The following NOTCH2NLA variants were observed in gnomAD, a reference collection of about 807,000 sequenced individuals.
NOTCH2NLA encodes the protein notch 2 N-terminal like A.
In NOTCH2NLA at chr1:146,228,845, G is replaced by A. The variant is rs782187601; in HGVS notation, c.-181C>T. 7 of 1,502,666 alleles carry A rather than the reference G, an allele frequency of 4.7e-6. 1 individual carries two copies. Among genetic ancestry groups the A allele is most frequent in the African/African-American group, 4.4e-5 (3 of 68,088 alleles). 93.1% of individuals were successfully genotyped at this position (1,502,666 alleles called of 1,614,324 possible). A position where few individuals can be genotyped will look rare whatever the true frequency, so the allele number is the denominator to read the frequency against. ...CCTGGGCAGATCCACATGGGGAGGGGGTCCCGATAGAGGAGCCCCACTCTC... is the reference window on the plus strand; with the variant it reads ...CCTGGGCAGATCCACATGGGGAGGGAGTCCCGATAGAGGAGCCCCACTCTC... On this transcript the variant is annotated 5_prime_UTR_variant, in exon 1 of 5. Transcript: ENST00000362074.
chr1:146,228,012 G>C (rs1664284196), intron 1 of NOTCH2NLA, among the ~76,000 whole-genome samples: 1 of 102,812 alleles, frequency 9.7e-6, no homozygotes, highest in Non-Finnish European at 2.0e-5. Context: ...AATAACAGCA[G>C]TTGAGATTTT....
intron 2 of NOTCH2NLA, among the ~76,000 whole-genome samples, chr1:146,174,531 A>T (rs1415504629): frequency 6.8e-6 from 1 of 147,820 alleles, no homozygotes; most frequent in African/African-American, 2.4e-5. Context: ...CAGCTATTTC[A>T]AAGTCATGAT....
intron 2 of NOTCH2NLA, among the ~76,000 whole-genome samples, chr1:146,174,976 A>G (rs1379939380): frequency 8.9e-6 from 1 of 112,624 alleles, no homozygotes; most frequent in South Asian, 2.8e-4. Context: ...AATAATTGCT[A>G]ACAGCCAAGG....
At position 146,219,861 on chromosome 1, in the gene NOTCH2NLA, A is replaced by T. The variant is rs1664023288; in HGVS notation, c.-45+8848T>A. On this transcript the variant is annotated intron_variant, in intron 1 of 4. Coordinates refer to ENST00000362074, the Ensembl canonical transcript of NOTCH2NLA. ...GCTTTTCTAAATCTAAGGGTAAAAAAACCAAAGACGTATACCAAAAAATTA... is the reference window on the plus strand; with the variant it reads ...GCTTTTCTAAATCTAAGGGTAAAAATACCAAAGACGTATACCAAAAAATTA... 2.2e-5 allele frequency among the ~76,000 whole-genome samples: 2 copies of T among 89,842 alleles called. 1 individual carries two copies. 58.9% of individuals were successfully genotyped at this position (89,842 alleles called of 152,430 possible). A position where few individuals can be genotyped will look rare whatever the true frequency, so the allele number is the denominator to read the frequency against.
At chr1:146,161,063 GTTGA>G (rs1205910545) in intron 3 of NOTCH2NLA, among the ~76,000 whole-genome samples, 44 of 128,588 alleles carry the variant, frequency 3.4e-4, no homozygotes, top group South Asian at 1.7e-3. Context: ...TTGGTGGCAG[GTTGA>G]TTATGTTGGA....
rs1483951998 is a variant in NOTCH2NLA at position 146,159,154 on chromosome 1, T to C, written c.299-2339A>G. Among the ~76,000 whole-genome samples, 38 of 152,018 alleles carry C rather than the reference T, an allele frequency of 2.5e-4. 1 individual carries two copies. Among genetic ancestry groups the C allele is most frequent in the Non-Finnish European group, 4.7e-4 (32 of 67,970 alleles). On this transcript the variant is annotated intron_variant, in intron 3 of 4. Transcript: ENST00000362074. ...GGGCAGATCACTTGTGGTTAGGAGT[T>C]TGAGACCAGCCTGGCCAACACGGTG...
chr1:146,159,663 A>G (rs1287969068), intron 3 of NOTCH2NLA, among the ~76,000 whole-genome samples: 3 of 127,980 alleles, frequency 2.3e-5, no homozygotes, highest in Non-Finnish European at 3.4e-5. Context: ...CAAAAATAGC[A>G]TATGTATAAA....
At chr1:146,182,771 G>A (rs375738791) in intron 2 of NOTCH2NLA, among the ~76,000 whole-genome samples, 22 of 125,952 alleles carry the variant, frequency 1.7e-4, no homozygotes, top group Admixed American at 6.0e-4. Flanking sequence ...GCATGAACCC[G>A]GGAGGCGGAG....
chr1:146,158,311 C>T (rs1661267627), intron 3 of NOTCH2NLA, among the ~76,000 whole-genome samples: 1 of 145,726 alleles, frequency 6.9e-6, no homozygotes, highest in African/African-American at 2.5e-5. Context: ...GCTATCCCTC[C>T]CCCGTCCCAC....
In NOTCH2NLA at chr1:146,186,740, G is replaced by A. The variant is rs1358318867; in HGVS notation, c.38+2560C>T. Among the ~76,000 whole-genome samples, 31 of 129,830 alleles carry A rather than the reference G, an allele frequency of 2.4e-4. 1 individual carries two copies. Among genetic ancestry groups the A allele is most frequent in the South Asian group, 1.8e-3 (7 of 3,904 alleles). 85.2% of individuals were successfully genotyped at this position (129,830 alleles called of 152,430 possible). A position where few individuals can be genotyped will look rare whatever the true frequency, so the allele number is the denominator to read the frequency against. On this transcript the variant is annotated intron_variant, in intron 2 of 4. Transcript: ENST00000362074. ...CATGTCAGACCAAAAATATATAGGCGAACACTTAGAACATATTTGAAATTC... is the reference window on the plus strand; with the variant it reads ...CATGTCAGACCAAAAATATATAGGCAAACACTTAGAACATATTTGAAATTC...
In NOTCH2NLA at chr1:146,200,438, AATATAT is replaced by A. The variant is rs1553813674; in HGVS notation, c.-44-11063_-44-11058del. ...ACTCTGCCTGAGAAAAAAAAAAAAA[AATATAT>A]ATATATATATATATTCCTGAACTTC... On this transcript the variant is annotated intron_variant, in intron 1 of 4. Transcript: ENST00000362074. Among the ~76,000 whole-genome samples the A allele has an allele frequency of 4.3e-3, 86 of 19,846 alleles. 17 individuals are homozygous for A. The Middle Eastern group carries it at 0.049, about 11-fold the overall frequency. The allele number at this position is 19,846 out of a possible 152,430, so 13.0% of individuals were successfully genotyped here.
chr1:146,186,430 C>CTTG (rs1473613003), intron 2 of NOTCH2NLA, among the ~76,000 whole-genome samples: 1 of 144,194 alleles, frequency 6.9e-6, no homozygotes, highest in Non-Finnish European at 1.6e-5. Flanking sequence ...TCTTGGCTCA[C>CTTG]TGCAAGCTCC....
At chr1:146,171,489 A>C (rs1452309388) in intron 2 of NOTCH2NLA, among the ~76,000 whole-genome samples, 1 of 126,056 alleles carries the variant, frequency 7.9e-6, no homozygotes, top group Non-Finnish European at 1.9e-5. Context: ...ACCCAAGTAG[A>C]CTCTAGAGTG....
chr1:146,187,896 A>C (rs1388785567), intron 2 of NOTCH2NLA, among the ~76,000 whole-genome samples: 1 of 136,644 alleles, frequency 7.3e-6, no homozygotes, highest in Non-Finnish European at 1.7e-5. Context: ...AATAAGCTAC[A>C]TAAAACCTTT....
intron 2 of NOTCH2NLA, among the ~76,000 whole-genome samples, chr1:146,187,029 TC>T (rs1662804505): frequency 7.8e-6 from 1 of 128,512 alleles, no homozygotes. Flanking sequence ...CCCTCCCCTT[TC>T]CCCCCACCCC....
chr1:146,187,396 T>TA (rs1232128762), intron 2 of NOTCH2NLA, among the ~76,000 whole-genome samples: 1 of 135,500 alleles, frequency 7.4e-6, no homozygotes, highest in Non-Finnish European at 1.7e-5. Context: ...ATATACTCAG[T>TA]AATAGGATTG....
chr1:146,187,729 G>T (rs587749953), intron 2 of NOTCH2NLA, among the ~76,000 whole-genome samples: 4,465 of 135,414 alleles, frequency 0.033, 526 homozygotes, highest in African/African-American at 0.11. Flanking sequence ...AGCAACTAAC[G>T]CACCAAATGC....
At chr1:146,171,697 G>A (rs372712822) in intron 2 of NOTCH2NLA, among the ~76,000 whole-genome samples, 1 of 127,194 alleles carries the variant, frequency 7.9e-6, no homozygotes, top group Non-Finnish European at 1.8e-5. Context: ...TTAAACTGAG[G>A]AGGCATCGTG....
intron 3 of NOTCH2NLA, among the ~76,000 whole-genome samples, chr1:146,159,387 AAG>A (rs1189170436): frequency 4.3e-5 from 5 of 116,230 alleles, no homozygotes; most frequent in South Asian, 3.0e-4. Flanking sequence ...GGAAGAGAGA[AAG>A]AGAGAGAAAG....
Sources: allele counts gnomAD v4.1 joint callset (sites outside exome capture counted in the v4.1 genomes callset), GRCh38; gene constraint gnomAD v4.1.1; transcripts MANE v1.5; gene names NCBI Gene and HGNC (gene_info 2026-07-23, HGNC 2026-07-21).